GOLGA1: variants seen among roughly 807,000 people sequenced by gnomAD.
GOLGA1 encodes golgin A1.
A neutral mutation model predicts 119.7 loss-of-function variants in GOLGA1; 63 were observed. The observed-to-expected ratio is 0.53, with a 90% CI of 0.43 to 0.65. The LOEUF is 0.65. Among genes scored for constraint, GOLGA1 ranks in the 30% least tolerant of loss-of-function variants. The pLI, the probability that GOLGA1 is intolerant of heterozygous loss-of-function variation, is 0.00. For missense variants in GOLGA1, 798 were observed against 912.8 expected (o/e 0.87, Z 1.62); for synonymous variants, 318 against 333.4 (o/e 0.95, Z 0.50).
At chr9:124,910,401 T>G (rs926165584) in intron 11 of GOLGA1, among the ~76,000 whole-genome samples, 1 of 152,168 alleles carries the variant, frequency 6.6e-6, no homozygotes, top group African/African-American at 2.4e-5. Flanking sequence ...CCCAAGTAAT[T>G]TCTATGCACA....
chr9:124,901,730 T>C (rs1830110114), intron 12 of GOLGA1, among the ~76,000 whole-genome samples: 1 of 152,140 alleles, frequency 6.6e-6, no homozygotes, highest in African/African-American at 2.4e-5. Flanking sequence ...CCACCGCACC[T>C]GGTTGCTAAT....
chr9:124,930,602 C>T (rs1022897526), intron 4 of GOLGA1, among the ~76,000 whole-genome samples: 3 of 152,290 alleles, frequency 2.0e-5, no homozygotes, highest in Admixed American at 1.3e-4. Context: ...TGGTGAACTT[C>T]GGTCTGCTGT....
intron 13 of GOLGA1, 112 bp downstream of exon 13, chr9:124,900,340 T>C (rs1268535334): frequency 1.7e-5 from 11 of 639,658 alleles, no homozygotes; most frequent in South Asian, 5.5e-5. Flanking sequence ...ACTGTATCTA[T>C]GGGCAGGTCC....
chr9:124,910,910 G>A (rs1830325980), intron 11 of GOLGA1, among the ~76,000 whole-genome samples: 1 of 152,206 alleles, frequency 6.6e-6, no homozygotes, highest in Non-Finnish European at 1.5e-5. Context: ...GACCCCATCT[G>A]TGGAAAAACT....
chr9:124,899,606 C>T (rs1015265844), intron 13 of GOLGA1, 128 bp from the exon 14 acceptor site: 17 of 946,012 alleles, frequency 1.8e-5, no homozygotes, highest in Admixed American at 9.7e-5. Context: ...TCCCCCCTGG[C>T]GTTGCTGAGG....
intron 17 of GOLGA1, 56 bp downstream of exon 17, chr9:124,889,378 G>A: frequency 6.3e-7 from 1 of 1,594,268 alleles, no homozygotes; most frequent in Non-Finnish European, 8.6e-7. Context: ...GCCGTCACAA[G>A]GCAGGATGCT....
In GOLGA1 at chr9:124,937,461, TA is replaced by T. The variant is rs1371047376; in HGVS notation, c.135+1115del. Reference sequence around the variant, plus strand: ...GAGCGAGACCCTATCTCAAAAACAATAAACTAAAAACAAAAAAAAATTAGCC... The same window carrying T: ...GAGCGAGACCCTATCTCAAAAACAATAACTAAAAACAAAAAAAAATTAGCC... On this transcript the variant is annotated intron_variant, in intron 3 of 22. Coordinates refer to ENST00000373555, the MANE Select transcript of GOLGA1 (RefSeq NM_002077.4). Among the ~76,000 whole-genome samples the T allele has an allele frequency of 1.3e-5, 2 of 149,620 alleles. 1 individual carries two copies. The highest frequency in any genetic ancestry group is 3.0e-5 in the Non-Finnish European group (2 of 67,456).
chr9:124,944,344 A>T (rs1303264037), upstream of GOLGA1: 1 of 149,418 alleles, frequency 6.7e-6, no homozygotes, highest in Non-Finnish European at 1.5e-5. Flanking sequence ...TGTCACCCAG[A>T]CTGGAGTGCA....
At chr9:124,882,747 G>A (rs1174364578) in intron 19 of GOLGA1, among the ~76,000 whole-genome samples, 178 bp from the exon 20 acceptor site, 1 of 152,194 alleles carries the variant, frequency 6.6e-6, no homozygotes, top group Non-Finnish European at 1.5e-5. Flanking sequence ...CTGTTGGGCT[G>A]TCATCCCTCT....
At position 124,912,566 on chromosome 9, in the gene GOLGA1, G is replaced by A. The variant is rs549292158; in HGVS notation, c.844-540C>T. On this transcript the variant is annotated intron_variant, in intron 10 of 22. Transcript: ENST00000373555. The stretch of plus-strand genomic sequence containing the variant: ...TCTATTATTTTTGGTTTTTTGAGAC[G>A]GAGTGTCGCTCTGTTGCCTTGGCTG... Among the ~76,000 whole-genome samples the A allele has an allele frequency of 7.6e-4, 116 of 152,170 alleles. 1 individual carries two copies. Among genetic ancestry groups the A allele is most frequent in the African/African-American group, 2.6e-3 (110 of 41,522 alleles).
chr9:124,944,311 T>C (rs1240899161), upstream of GOLGA1: 1 of 151,492 alleles, frequency 6.6e-6, no homozygotes, highest in Non-Finnish European at 1.5e-5. Context: ...TTTTTTTTTT[T>C]TTTTTGAGAA....
At chr9:124,912,515 A>T (rs1183777683) in intron 10 of GOLGA1, among the ~76,000 whole-genome samples, 1 of 152,172 alleles carries the variant, frequency 6.6e-6, no homozygotes, top group Non-Finnish European at 1.5e-5. Context: ...TTGGCTTTAG[A>T]CCAACAGCTG....
intron 15 of GOLGA1, among the ~76,000 whole-genome samples, chr9:124,895,535 A>T (rs1829958076): frequency 6.8e-6 from 1 of 147,422 alleles, no homozygotes; most frequent in Non-Finnish European, 1.5e-5. Flanking sequence ...GAGACCCTCC[A>T]CAACAGAGAA....
At position 124,888,909 on chromosome 9, in the gene GOLGA1, C is replaced by T. The variant is rs1829790327; in HGVS notation, c.1761+234G>A. On this transcript the variant is annotated intron_variant, in intron 18 of 22. Coordinates refer to ENST00000373555, the MANE Select transcript of GOLGA1 (RefSeq NM_002077.4). This position sits in a 1 kb window ranked among gnomAD's most constrained non-coding sequence, Gnocchi z 4.4. The stretch of plus-strand genomic sequence containing the variant: ...AGAGACTGGGTTTCACCGTGTTAGC[C>T]AGGATGGTCTCGATCTCCTGAACTC... Among the ~76,000 whole-genome samples the T allele has an allele frequency of 6.6e-6, 1 of 152,188 alleles. No individual in the cohort carries two copies. The highest frequency in any genetic ancestry group is 6.5e-5 in the Admixed American group (1 of 15,276).
intron 14 of GOLGA1, 149 bp from the exon 15 acceptor site, chr9:124,898,793 T>G (rs1229615291): frequency 3.4e-6 from 2 of 588,994 alleles, no homozygotes; most frequent in African/African-American, 3.8e-5. Flanking sequence ...GGTCAGAAAG[T>G]AGGAAGTCTC....
At position 124,888,319 on chromosome 9, in the gene GOLGA1, G is replaced by A; in HGVS notation, c.1839C>T (p.Ala613=). The A allele has an allele frequency of 6.2e-7, 1 of 1,613,836 alleles. No homozygotes were observed. The highest frequency in any genetic ancestry group is 1.1e-5 in the South Asian group (1 of 91,068). Residue 613 remains alanine (A), a synonymous_variant, in exon 19 of 23, where the codon GCC becomes GCT. Coordinates refer to ENST00000373555, the MANE Select transcript of GOLGA1 (RefSeq NM_002077.4). This position sits in a 1 kb window ranked among gnomAD's most constrained non-coding sequence, Gnocchi z 4.4. ...CCTTCTGTAGCTGTGTGAGATCCAT[G>A]GCCCCAACCTCACCATTTGGTGTTC... ...AGRTPNGEVG[A]MDLTQLQKEK...
rs1174019071 is a variant in GOLGA1 at position 124,921,834 on chromosome 9, C to T, written c.620G>A (p.Arg207Lys). ...CTCCTCCTGGGTACGACTAAGTTCT[C>T]TGGTTCGTGCCTCCAATTCTTGTTC... ...KMEQELEART[R>K]ELSRTQEELM... Residue 207 changes from arginine (R) to lysine (K), a missense_variant, in exon 9 of 23, where the codon AGA (arginine) becomes AAA (lysine). Coordinates refer to ENST00000373555, the MANE Select transcript of GOLGA1 (RefSeq NM_002077.4). The T allele has an allele frequency of 1.2e-6, 2 of 1,613,578 alleles. No homozygotes were observed. Among genetic ancestry groups the T allele is most frequent in the Non-Finnish European group, 1.7e-6 (2 of 1,179,588 alleles).
At chr9:124,905,456 C>A (rs1189780748) in intron 12 of GOLGA1, among the ~76,000 whole-genome samples, 1 of 151,844 alleles carries the variant, frequency 6.6e-6, no homozygotes, top group Non-Finnish European at 1.5e-5. Context: ...TGAGACTCTG[C>A]CTCAAATAAA....
intron 2 of GOLGA1, among the ~76,000 whole-genome samples, chr9:124,939,198 C>G (rs1267640363): frequency 6.6e-6 from 1 of 151,796 alleles, no homozygotes; most frequent in Non-Finnish European, 1.5e-5. Flanking sequence ...GGTAAAATGT[C>G]CCAGAGCAGA....
Sources: allele counts gnomAD v4.1 joint callset (sites outside exome capture counted in the v4.1 genomes callset), GRCh38; gene constraint gnomAD v4.1.1; non-coding constraint Gnocchi (gnomAD v3.1); transcripts MANE v1.5; gene names NCBI Gene and HGNC (gene_info 2026-07-23, HGNC 2026-07-21).